TJP3: variants seen among roughly 807,000 people sequenced by gnomAD.
The protein encoded by TJP3 is tight junction protein ZO-3.
A neutral mutation model predicts 104.2 loss-of-function variants in TJP3; 85 were observed. The ratio of observed to expected loss-of-function variants is 0.82; its 90% confidence interval spans 0.68 to 0.98. The LOEUF (loss-of-function observed/expected upper bound fraction) is 0.98. Ranked by LOEUF, TJP3 falls within the 50% of genes least tolerant of loss-of-function variation. The pLI is 0.00. For synonymous variants in TJP3, 550 were observed against 550.6 expected (o/e 1.00, Z 0.02); for missense variants, 1,367 against 1,322.8 (o/e 1.03, Z -0.52).
chr19:3,718,091 A>G (rs1010999421), intron 1 of TJP3, among the ~76,000 whole-genome samples: 3 of 150,396 alleles, frequency 2.0e-5, no homozygotes, highest in Admixed American at 6.7e-5. Flanking sequence ...CTGTAGTCCC[A>G]GCTACTCGGG....
intron 3 of TJP3, among the ~76,000 whole-genome samples, chr19:3,729,044 C>A (rs1985358): frequency 0.68 from 103,179 of 151,966 alleles, 35,337 homozygotes; most frequent in Admixed American, 0.76. Flanking sequence ...CAGAGTGAGA[C>A]TCTGTCTCAA....
chr19:3,732,154 GTGT>G, intron 6 of TJP3, 116 bp downstream of exon 6: 1 of 775,544 alleles, frequency 1.3e-6, no homozygotes. Flanking sequence ...TTTACCTTCA[GTGT>G]TGTTGCTTGT....
intron 1 of TJP3, among the ~76,000 whole-genome samples, chr19:3,721,197 G>A (rs908327730): frequency 6.6e-6 from 1 of 152,122 alleles, no homozygotes; most frequent in African/African-American, 2.4e-5. Flanking sequence ...ACCGCGCCCG[G>A]CCCTGCCCTG....
Position 3,746,264 on chromosome 19 carries a change from C to G in TJP3, c.2010+183C>G, listed in dbSNP as rs891072431. Among the ~76,000 whole-genome samples the G allele has an allele frequency of 7.9e-5, 12 of 152,104 alleles. No homozygotes were observed. Among genetic ancestry groups the G allele is most frequent in the Non-Finnish European group, 1.6e-4 (11 of 67,998 alleles). On this transcript the variant is annotated intron_variant, in intron 16 of 20. Coordinates refer to ENST00000541714, the MANE Select transcript of TJP3 (RefSeq NM_001267560.2). This position sits in a 1 kb window ranked among gnomAD's most constrained non-coding sequence, Gnocchi z 4.1. ...CAGACAAGGGCTTCTCGGAGTCAAACAGCAGCCAGCCCTGGGCAAAGGCAG... is the reference window on the plus strand; with the variant it reads ...CAGACAAGGGCTTCTCGGAGTCAAAGAGCAGCCAGCCCTGGGCAAAGGCAG...
chr19:3,746,160 C>A lies in TJP3; in HGVS notation c.2010+79C>A. 1 of 1,384,768 alleles carries A rather than the reference C, an allele frequency of 7.2e-7. No individual in the cohort carries two copies. The highest frequency in any genetic ancestry group is 1.2e-5 in the South Asian group (1 of 80,498). 85.8% of individuals were successfully genotyped at this position (1,384,768 alleles called of 1,614,324 possible). On this transcript the variant is annotated intron_variant, in intron 16 of 20. Coordinates refer to ENST00000541714, the MANE Select transcript of TJP3 (RefSeq NM_001267560.2). The surrounding 1 kb of genome is among the most constrained non-coding windows in gnomAD (Gnocchi z 4.1). ...TGGGCATCCAACTGAATGTCCTGAC[C>A]TGTTCTCAGCCCACACCCCACAAGT...
In TJP3 at chr19:3,738,613, GGCT is replaced by G. The variant is rs1490429729; in HGVS notation, c.1346_1348del (p.Leu449del). 6.2e-7 allele frequency: 1 copy of G among 1,613,852 alleles called. No individual in the cohort carries two copies. Among genetic ancestry groups the G allele is most frequent in the Non-Finnish European group, 8.5e-7 (1 of 1,179,980 alleles). ...GAGGAGGCAGTGCAGTTCCTGCTGG[GGCT>G]GCCACCAGGCGAGGAGATGGAGCTG... On this transcript the variant is annotated inframe_deletion, in exon 12 of 21. Coordinates refer to ENST00000541714, the MANE Select transcript of TJP3 (RefSeq NM_001267560.2).
At position 3,739,037 on chromosome 19, in the gene TJP3, C is replaced by A; in HGVS notation, c.1534C>A (p.Pro512Thr). ...FHVLDTLHPG[P>T]GQSHARGGHW... The stretch of plus-strand genomic sequence containing the variant: ...CGTGCTGGACACGCTGCACCCCGGC[C>A]CCGGGCAGAGCCACGCACGAGGAGG... The change falls in exon 13 of 21, where the codon CCC (proline) becomes ACC (threonine). Residue 512 changes from proline to threonine, a missense_variant. Coordinates refer to ENST00000541714, the MANE Select transcript of TJP3 (RefSeq NM_001267560.2). 4 of 1,611,736 alleles carry A rather than the reference C, an allele frequency of 2.5e-6. No individual in the cohort carries two copies. Among genetic ancestry groups the A allele is most frequent in the Non-Finnish European group, 3.4e-6 (4 of 1,179,100 alleles).
intron 1 of TJP3, chr19:3,721,994 A>C: frequency 7.7e-6 from 6 of 778,796 alleles, no homozygotes; most frequent in Non-Finnish European, 1.0e-5. Flanking sequence ...AGTCGGACCC[A>C]GGACCCCAGA....
chr19:3,746,844 C>G lies in TJP3; in HGVS notation c.2290C>G (p.Gln764Glu). The G allele has an allele frequency of 1.2e-6, 2 of 1,611,174 alleles. No homozygotes were observed. Among genetic ancestry groups the G allele is most frequent in the Non-Finnish European group, 1.7e-6 (2 of 1,178,804 alleles). ...QELKAIIREQ[Q>E]TRPIWTAEDQ... ...GCTCAAGGCCATCATTCGAGAGCAG[C>G]AGACGCGGCCCATCTGGACGGCGGA... Residue 764 changes from glutamine (Q) to glutamate (E), a missense_variant, in exon 18 of 21, where the codon CAG (glutamine) becomes GAG (glutamate). By Grantham distance (29) the Gln-to-Glu change is conservative (BLOSUM62 2). Transcript: ENST00000541714. The surrounding 1 kb of genome is among the most constrained non-coding windows in gnomAD (Gnocchi z 4.1).
chr19:3,715,231 A>AGGT (rs2036466955), intron 1 of TJP3, among the ~76,000 whole-genome samples: 1 of 151,750 alleles, frequency 6.6e-6, no homozygotes, highest in South Asian at 2.1e-4. Flanking sequence ...CTGGGACTAC[A>AGGT]GGCGCCCGCC....
At chr19:3,748,267 ATT>A (rs1274711670) in intron 19 of TJP3, among the ~76,000 whole-genome samples, 186 bp downstream of exon 19, 60 of 119,710 alleles carry the variant, frequency 5.0e-4, no homozygotes, top group Middle Eastern at 4.6e-3. Context: ...AACTTGCAGC[ATT>A]TTTTTTTTTT....
intron 1 of TJP3, among the ~76,000 whole-genome samples, chr19:3,727,024 C>T (rs2368929): frequency 0.043 from 6,581 of 151,624 alleles, 206 homozygotes; most frequent in Non-Finnish European, 0.061. Flanking sequence ...GAGTTCGAGG[C>T]TGCATTGAAC....
intron 1 of TJP3, among the ~76,000 whole-genome samples, chr19:3,714,466 C>T (rs2036459377): frequency 6.6e-6 from 1 of 151,802 alleles, no homozygotes; most frequent in Non-Finnish European, 1.5e-5. Context: ...ATGTGAGCCA[C>T]CGCGCCCAGC....
chr19:3,734,547 T>TCAA, intron 8 of TJP3, 112 bp downstream of exon 8: 4 of 951,908 alleles, frequency 4.2e-6, no homozygotes, highest in Non-Finnish European at 6.1e-6. Context: ...GACGCAGTCC[T>TCAA]GTATTTCTAG....
intron 1 of TJP3, among the ~76,000 whole-genome samples, chr19:3,711,385 G>T (rs1251648400): frequency 1.4e-5 from 2 of 138,536 alleles, no homozygotes; most frequent in South Asian, 5.2e-4. Flanking sequence ...TTTTAGTAGA[G>T]ACAGGGTTTC....
intron 6 of TJP3, 97 bp from the exon 7 acceptor site, chr19:3,733,656 G>A (rs1456950533): frequency 3.1e-5 from 48 of 1,538,296 alleles, no homozygotes; most frequent in Non-Finnish European, 4.2e-5. Flanking sequence ...ACCTCTGGGG[G>A]AATTGTCTGT....
chr19:3,723,810 T>A (rs504952), intron 1 of TJP3, among the ~76,000 whole-genome samples: 12,246 of 70,404 alleles, frequency 0.17, 620 homozygotes, highest in African/African-American at 0.24. Flanking sequence ...AAAAAAAAAA[T>A]ATATATATAT....
chr19:3,735,927 G>A lies in TJP3; in HGVS notation c.1119G>A (p.Glu373=). ...IYRVPSSQSM[E]DRGYSPDTRV... is the part of the protein sequence containing the mutation. ...GAGTGCCCAGCAGTCAGAGCATGGAGGATCGTGGGTATGTACCCCAGAAGA... is the reference window on the plus strand; with the variant it reads ...GAGTGCCCAGCAGTCAGAGCATGGAAGATCGTGGGTATGTACCCCAGAAGA... Residue 373 remains glutamate (E), a synonymous_variant, in exon 10 of 21, where the codon GAG becomes GAA. Coordinates refer to ENST00000541714, the MANE Select transcript of TJP3 (RefSeq NM_001267560.2). 6.2e-7 allele frequency: 1 copy of A among 1,614,166 alleles called. No individual in the cohort carries two copies. The highest frequency in any genetic ancestry group is 8.5e-7 in the Non-Finnish European group (1 of 1,180,030).
chr19:3,748,160 C>G, intron 19 of TJP3, 79 bp downstream of exon 19: 2 of 1,440,512 alleles, frequency 1.4e-6, no homozygotes, highest in Non-Finnish European at 1.8e-6. Flanking sequence ...CACTGGGAGC[C>G]TGTTTTCTAC....
Sources: gnomAD v4.1 joint callset for allele counts (sites outside exome capture counted in the v4.1 genomes callset) on GRCh38, gnomAD v4.1.1 for gene constraint, Gnocchi (gnomAD v3.1) non-coding constraint, MANE v1.5 for transcripts, NCBI Gene and HGNC (gene_info 2026-07-23, HGNC 2026-07-21) for gene names.